C12orf50: variants seen among roughly 807,000 people sequenced by gnomAD.
C12orf50 encodes uncharacterized protein C12orf50.
C12orf50 carries 35 observed loss-of-function variants against 61.6 expected under a neutral mutation model. That is an observed-to-expected ratio of 0.57 (90% CI 0.43 to 0.75). The LOEUF (loss-of-function observed/expected upper bound fraction) is 0.75. Ranked by LOEUF, C12orf50 falls within the 30% of genes least tolerant of loss-of-function variation. C12orf50 has a pLI of 0.00. For missense variants in C12orf50, 475 were observed against 488.5 expected, an observed-to-expected ratio of 0.97 and a Z score of 0.26; for synonymous variants, 178 against 161.5, an observed-to-expected ratio of 1.10 and a Z score of -0.77.
intron 7 of C12orf50, among the ~76,000 whole-genome samples, chr12:87,990,152 A>G (rs138806421): frequency 2.7e-4 from 41 of 152,286 alleles, no homozygotes; most frequent in African/African-American, 9.6e-4. Flanking sequence ...AAAAGCCACT[A>G]TTTAATGTTT....
At chr12:88,006,168 G>A (rs1350199898) in intron 3 of C12orf50, among the ~76,000 whole-genome samples, 9 of 151,924 alleles carry the variant, frequency 5.9e-5, no homozygotes, top group South Asian at 2.1e-4. Flanking sequence ...CGCCCACATC[G>A]GCCTCCCAAA....
At chr12:87,985,231 C>A (rs2030745982) in intron 11 of C12orf50, 1 of 152,052 alleles carries the variant, frequency 6.6e-6, no homozygotes, top group Non-Finnish European at 1.5e-5. Context: ...GTTTAGAGAA[C>A]TGAAACCCAA....
intron 6 of C12orf50, among the ~76,000 whole-genome samples, chr12:87,996,158 G>A (rs568305655): frequency 3.3e-5 from 5 of 152,234 alleles, no homozygotes; most frequent in African/African-American, 4.8e-5. Flanking sequence ...GTGTCATTAC[G>A]TGTTAATGAA....
intron 6 of C12orf50, among the ~76,000 whole-genome samples, chr12:87,995,879 G>T (rs2031364079): frequency 6.6e-6 from 1 of 152,104 alleles, no homozygotes; most frequent in African/African-American, 2.4e-5. Context: ...TTCTCCAAAG[G>T]TAAGCGCCAT....
intron 3 of C12orf50, among the ~76,000 whole-genome samples, chr12:88,021,222 C>T (rs749680969): frequency 8.0e-5 from 12 of 149,538 alleles, no homozygotes; most frequent in Non-Finnish European, 1.5e-4. Flanking sequence ...AAAAGCCATA[C>T]AAAAGACCAG....
At chr12:88,003,306 T>C (rs1403962408) in intron 3 of C12orf50, among the ~76,000 whole-genome samples, 3 of 151,944 alleles carry the variant, frequency 2.0e-5, no homozygotes, top group Non-Finnish European at 2.9e-5. Context: ...AAAAATTGTA[T>C]GTATTGTTTT....
chr12:87,983,373 T>A (rs1328291422), intron 11 of C12orf50, 178 bp from the exon 12 acceptor site: 1 of 396,748 alleles, frequency 2.5e-6, no homozygotes, highest in Non-Finnish European at 4.5e-6. Flanking sequence ...AAGTTATAAG[T>A]GAGCATGTTT....
chr12:87,987,749 T>A (rs1359605699), intron 9 of C12orf50, 101 bp downstream of exon 9: 1 of 798,360 alleles, frequency 1.3e-6, no homozygotes, highest in Non-Finnish European at 2.0e-6. Context: ...TTTTTAAACC[T>A]TTTTTCTTTC....
intron 3 of C12orf50, among the ~76,000 whole-genome samples, chr12:88,005,678 C>T (rs1592667936): frequency 1.3e-5 from 2 of 152,176 alleles, no homozygotes; most frequent in African/African-American, 2.4e-5. Context: ...CTCGCTCTGT[C>T]GCCCAGGCTG....
At chr12:87,997,785 GC>G (rs1230864171) in intron 4 of C12orf50, among the ~76,000 whole-genome samples, 3 of 152,028 alleles carry the variant, frequency 2.0e-5, no homozygotes, top group African/African-American at 4.8e-5. Flanking sequence ...TGTATATGAA[GC>G]ACCTAAATAT....
At chr12:88,003,440 G>T (rs964505721) in intron 3 of C12orf50, among the ~76,000 whole-genome samples, 3 of 151,986 alleles carry the variant, frequency 2.0e-5, no homozygotes, top group African/African-American at 7.2e-5. Context: ...ACTGACTCAG[G>T]TCACTTGCTT....
intron 7 of C12orf50, among the ~76,000 whole-genome samples, chr12:87,993,420 C>T (rs2031227791): frequency 6.6e-6 from 1 of 152,190 alleles, no homozygotes; most frequent in Admixed American, 6.5e-5. Flanking sequence ...GAGAGACTGC[C>T]AGTGTTTCTA....
chr12:88,006,197 T>A (rs1193846316), intron 3 of C12orf50, among the ~76,000 whole-genome samples: 1 of 152,144 alleles, frequency 6.6e-6, no homozygotes, highest in African/African-American at 2.4e-5. Flanking sequence ...ATTACAGGCG[T>A]GAGCCACCGC....
At chr12:88,018,145 C>T (rs1159327633) in intron 3 of C12orf50, among the ~76,000 whole-genome samples, 3 of 152,208 alleles carry the variant, frequency 2.0e-5, no homozygotes, top group Non-Finnish European at 4.4e-5. Flanking sequence ...ATCACAGGCC[C>T]AGAGACCTAG....
intron 12 of C12orf50, among the ~76,000 whole-genome samples, chr12:87,981,509 T>C (rs1037461025): frequency 3.2e-4 from 48 of 152,294 alleles, no homozygotes; most frequent in African/African-American, 1.1e-3. Flanking sequence ...GGTGATGTCA[T>C]TGCAGCTAGT....
In C12orf50 at chr12:87,989,325, A is replaced by G. The variant is rs775707905; in HGVS notation, c.639T>C (p.Asp213=). The change falls in exon 8 of 13, where the codon GAT becomes GAC. Residue 213 remains aspartate, a synonymous_variant. Transcript: ENST00000298699. Reference sequence around the variant, plus strand: ...TCTCTTCAGTTAAAGCTTCACTTTCATCGACTCCAAGAAATATGACCCTCT... The same window carrying G: ...TCTCTTCAGTTAAAGCTTCACTTTCGTCGACTCCAAGAAATATGACCCTCT... ...VPQRVIFLGV[D]ESEALTEEKE... is the part of the protein sequence containing the mutation. 3 of 1,612,064 alleles carry G rather than the reference A, an allele frequency of 1.9e-6. No individual in the cohort carries two copies. Among genetic ancestry groups the G allele is most frequent in the Non-Finnish European group, 2.5e-6 (3 of 1,178,796 alleles).
intron 3 of C12orf50, among the ~76,000 whole-genome samples, chr12:88,015,040 G>C (rs1318392833): frequency 6.6e-6 from 1 of 152,028 alleles, no homozygotes; most frequent in African/African-American, 2.4e-5. Context: ...GATGAGAACA[G>C]AAGCAGTATG....
At chr12:88,009,967 G>GA (rs2032034188) in intron 3 of C12orf50, among the ~76,000 whole-genome samples, 1 of 151,928 alleles carries the variant, frequency 6.6e-6, no homozygotes, top group Non-Finnish European at 1.5e-5. Flanking sequence ...ATCAATAATT[G>GA]ACTCAAATTG....
At chr12:87,990,155 T>A (rs1303161203) in intron 7 of C12orf50, among the ~76,000 whole-genome samples, 2 of 152,192 alleles carry the variant, frequency 1.3e-5, no homozygotes, top group African/African-American at 4.8e-5. Flanking sequence ...AGCCACTATT[T>A]AATGTTTTGT....
Sources: gnomAD v4.1 joint callset for allele counts (sites outside exome capture counted in the v4.1 genomes callset) on GRCh38, gnomAD v4.1.1 for gene constraint, MANE v1.5 for transcripts, NCBI Gene and HGNC (gene_info 2026-07-23, HGNC 2026-07-21) for gene names.